Variants in UTRN observed in about 807,000 individuals in gnomAD.
The protein encoded by UTRN is utrophin.
In UTRN, 283 loss-of-function variants were observed where a neutral mutation model predicts 463.9. That is an observed-to-expected ratio of 0.61 (90% CI 0.55 to 0.67). UTRN has a LOEUF of 0.67. Ranked by LOEUF, UTRN falls within the 30% of genes least tolerant of loss-of-function variation. UTRN has a pLI of 0.00. For synonymous variants in UTRN, 1,442 were observed against 1,431.5 expected, an observed-to-expected ratio of 1.01 and a Z score of -0.17; for missense variants, 3,922 against 4,084.3, an observed-to-expected ratio of 0.96 and a Z score of 1.08.
chr6:144,643,642 C>A (rs1327339177), intron 51 of UTRN, among the ~76,000 whole-genome samples: 1 of 151,890 alleles, frequency 6.6e-6, no homozygotes, highest in Admixed American at 6.6e-5. Context: ...ACTAAAAATA[C>A]AAAAATTAGC....
chr6:144,334,012 A>G (rs995677257), intron 2 of UTRN, among the ~76,000 whole-genome samples: 1 of 152,244 alleles, frequency 6.6e-6, no homozygotes. Flanking sequence ...TTTTCAAACT[A>G]TTTTAAGAGA....
At chr6:144,410,540 C>T (rs541860737) in intron 3 of UTRN, among the ~76,000 whole-genome samples, 5 of 152,102 alleles carry the variant, frequency 3.3e-5, no homozygotes, top group African/African-American at 7.2e-5. Flanking sequence ...ACACTGTACC[C>T]GATTTGTAAA....
chr6:144,733,231 G>C (rs2128715895), intron 54 of UTRN, among the ~76,000 whole-genome samples: 1 of 152,206 alleles, frequency 6.6e-6, no homozygotes, highest in South Asian at 2.1e-4. Flanking sequence ...AAAACATACT[G>C]CTTTTGGCCG....
intron 27 of UTRN, among the ~76,000 whole-genome samples, chr6:144,483,704 C>T (rs952310072): frequency 6.6e-6 from 1 of 152,216 alleles, no homozygotes; most frequent in African/African-American, 2.4e-5. Context: ...CTGCCTTGGC[C>T]TACCAAAGTC....
In UTRN at chr6:144,510,980, T is replaced by A; in HGVS notation, c.4801T>A (p.Leu1601Ile). 8 of 1,607,640 alleles carry A rather than the reference T, an allele frequency of 5.0e-6. No homozygotes were observed. The highest frequency in any genetic ancestry group is 6.8e-6 in the Non-Finnish European group (8 of 1,176,214). ...GGATCTGGAAAAGAGAAAAGCTGAT[T>A]TAAATACCATCACAGAGAGTAGTGC... ...LKDLEKRKAD[L>I]NTITESSAAL... The change falls in exon 35 of 75, where the codon TTA becomes ATA. Residue 1601 changes from leucine (L) to isoleucine (I), a missense_variant. Coordinates refer to ENST00000367545, the MANE Select transcript of UTRN (RefSeq NM_007124.3).
At chr6:144,322,660 C>T (rs1191937025) in intron 2 of UTRN, among the ~76,000 whole-genome samples, 3 of 152,120 alleles carry the variant, frequency 2.0e-5, no homozygotes, top group Non-Finnish European at 4.4e-5. Context: ...GGATTTCGGC[C>T]GGGCGCGGTG....
intron 53 of UTRN, among the ~76,000 whole-genome samples, chr6:144,726,595 T>C: frequency 6.6e-6 from 1 of 152,166 alleles, no homozygotes; most frequent in South Asian, 2.1e-4. Flanking sequence ...TATAGAAATG[T>C]CACCTCTTTT....
chr6:144,355,477 G>A (rs1778469658), intron 2 of UTRN, among the ~76,000 whole-genome samples: 1 of 152,096 alleles, frequency 6.6e-6, no homozygotes, highest in Admixed American at 6.5e-5. Flanking sequence ...GGGACTATAG[G>A]CGTTAGCCAC....
chr6:144,291,890 T>C lies in UTRN; in HGVS notation c.62T>C (p.Ile21Thr). The C allele has an allele frequency of 2.5e-6, 4 of 1,613,056 alleles. No individual in the cohort carries two copies. Among genetic ancestry groups the C allele is most frequent in the East Asian group, 2.2e-5 (1 of 44,764 alleles). The change falls in exon 2 of 75, where the codon ATC (isoleucine) becomes ACC (threonine). Residue 21 changes from isoleucine (I) to threonine (T), a missense_variant. Transcript: ENST00000367545. Reference sequence around the variant, plus strand: ...AATGGGCAGAACGAATTCAGTGATATCATTAAGTCCAGATCTGGTAGGTAA... The same window carrying C: ...AATGGGCAGAACGAATTCAGTGATACCATTAAGTCCAGATCTGGTAGGTAA... Reference protein sequence around the residue: ...PDNGQNEFSDIIKSRSDEHND... With the variant: ...PDNGQNEFSDTIKSRSDEHND...
At chr6:144,785,983 A>T (rs1776259381) in intron 61 of UTRN, among the ~76,000 whole-genome samples, 1 of 152,172 alleles carries the variant, frequency 6.6e-6, no homozygotes, top group African/African-American at 2.4e-5. Context: ...AAAAATATTA[A>T]CCTCATTTGC....
intron 65 of UTRN, among the ~76,000 whole-genome samples, chr6:144,805,674 G>A (rs1778088140): frequency 6.7e-6 from 1 of 148,442 alleles, no homozygotes; most frequent in Non-Finnish European, 1.5e-5. Context: ...TTCCGAGTTG[G>A]CAACATCAGA....
chr6:144,833,081 A>G (rs1176153772), intron 69 of UTRN, among the ~76,000 whole-genome samples: 3 of 152,122 alleles, frequency 2.0e-5, no homozygotes, highest in East Asian at 1.9e-4. Flanking sequence ...CGACCTCCCA[A>G]AGTGCTGGGA....
At chr6:144,775,913 A>G (rs904154946) in intron 60 of UTRN, among the ~76,000 whole-genome samples, 16 of 152,208 alleles carry the variant, frequency 1.1e-4, no homozygotes, top group Admixed American at 7.9e-4. Context: ...AACAGAAGGG[A>G]CGCTTCTCCA....
At chr6:144,725,861 T>C (rs1190552616) in intron 53 of UTRN, among the ~76,000 whole-genome samples, 2 of 152,216 alleles carry the variant, frequency 1.3e-5, no homozygotes, top group African/African-American at 4.8e-5. Flanking sequence ...TGCTGCTTTG[T>C]AGGATATTTG....
Position 144,665,902 on chromosome 6 carries a change from T to C in UTRN, c.7480-12504T>C, listed in dbSNP as rs573854359. Among the ~76,000 whole-genome samples, 9 of 149,180 alleles carry C rather than the reference T, an allele frequency of 6.0e-5. No individual in the cohort carries two copies. In the East Asian group the frequency reaches 1.7e-3, roughly 29 times the overall value. On this transcript the variant is annotated intron_variant, in intron 51 of 74. Coordinates refer to ENST00000367545, the MANE Select transcript of UTRN (RefSeq NM_007124.3). ...TTGCTTCTGCCCTGTTTTCAAATGT[T>C]AGTTCAACTGCTTGAATATCTTGCC...
At chr6:144,441,843 A>G (rs919466594) in intron 13 of UTRN, among the ~76,000 whole-genome samples, 1 of 152,124 alleles carries the variant, frequency 6.6e-6, no homozygotes, top group Non-Finnish European at 1.5e-5. Flanking sequence ...ACTTCTGTGT[A>G]CCCGCAGGCT....
chr6:144,781,527 G>A (rs553932417), intron 60 of UTRN, among the ~76,000 whole-genome samples: 1 of 152,348 alleles, frequency 6.6e-6, no homozygotes, highest in South Asian at 2.1e-4. Context: ...GCTGCTTGCA[G>A]GAGTTAAGAT....
chr6:144,438,544 C>A (rs1786812247), intron 11 of UTRN, among the ~76,000 whole-genome samples: 1 of 152,174 alleles, frequency 6.6e-6, no homozygotes, highest in Admixed American at 6.5e-5. Context: ...TTTTTGCATT[C>A]TTTGTCTGCA....
intron 42 of UTRN, among the ~76,000 whole-genome samples, chr6:144,532,698 T>C (rs1797172622): frequency 6.6e-6 from 1 of 152,228 alleles, no homozygotes; most frequent in African/African-American, 2.4e-5. Flanking sequence ...TATAAGGATT[T>C]ATTGGGGTAT....
Sources: gnomAD v4.1 joint callset for allele counts (sites outside exome capture counted in the v4.1 genomes callset) on GRCh38, gnomAD v4.1.1 for gene constraint, MANE v1.5 for transcripts, NCBI Gene and HGNC (gene_info 2026-07-23, HGNC 2026-07-21) for gene names.